The following SAMD12 variants were observed in gnomAD, a reference collection of about 807,000 sequenced individuals.
SAMD12 encodes sterile alpha motif domain-containing protein 12.
In SAMD12, 9 loss-of-function variants were observed where a neutral mutation model predicts 15.0. That is an observed-to-expected ratio of 0.60 (90% confidence interval 0.36 to 1.05). SAMD12 has a LOEUF of 1.05. Ranked by LOEUF, SAMD12 falls within the 50% of genes least tolerant of loss-of-function variation. The pLI is 0.01. For missense variants in SAMD12, 230 were observed against 234.2 expected, an observed-to-expected ratio of 0.98 and a Z score of 0.12; for synonymous variants, 86 against 90.1, an observed-to-expected ratio of 0.96 and a Z score of 0.25.
chr8:118,339,692 T>C (rs1390848131), intron 4 of SAMD12, among the ~76,000 whole-genome samples: 8 of 152,220 alleles, frequency 5.3e-5, no homozygotes, highest in African/African-American at 1.9e-4. Flanking sequence ...TTCTGAGTAA[T>C]TTTGTCTCTG....
intron 4 of SAMD12, among the ~76,000 whole-genome samples, chr8:118,279,990 AAC>A (rs1813574024): frequency 6.6e-6 from 1 of 152,208 alleles, no homozygotes. Context: ...CCTTCTAAAG[AAC>A]ACTACTGAGA....
At chr8:118,272,920 A>C (rs1177611666) in intron 4 of SAMD12, among the ~76,000 whole-genome samples, 1 of 152,214 alleles carries the variant, frequency 6.6e-6, no homozygotes. Context: ...GGAAGTTCCA[A>C]ATGTTCACAC....
intron 3 of SAMD12, among the ~76,000 whole-genome samples, chr8:118,413,670 C>A (rs1459866160): frequency 6.6e-6 from 1 of 152,094 alleles, no homozygotes; most frequent in East Asian, 1.9e-4. Context: ...TCCCTGAAGA[C>A]AAGTGTCTTG....
chr8:118,453,375 C>G (rs1823140699), intron 2 of SAMD12, among the ~76,000 whole-genome samples: 1 of 152,124 alleles, frequency 6.6e-6, no homozygotes, highest in Non-Finnish European at 1.5e-5. Context: ...GGTCCAGTGT[C>G]ATATCCACTA....
chr8:118,455,246 CT>C (rs1823211056), intron 2 of SAMD12, among the ~76,000 whole-genome samples: 1 of 145,766 alleles, frequency 6.9e-6, no homozygotes, highest in African/African-American at 2.7e-5. Flanking sequence ...TCTTGAGACA[CT>C]TTCTTCTCCT....
At chr8:118,366,768 C>T (rs763070105) in intron 4 of SAMD12, among the ~76,000 whole-genome samples, 9 of 150,014 alleles carry the variant, frequency 6.0e-5, no homozygotes, top group South Asian at 2.1e-4. Flanking sequence ...ACCCAGATCG[C>T]GCCATTGCAC....
chr8:118,170,394 T>C, the SAMD12 span, among the ~76,000 whole-genome samples: 266 of 152,340 alleles, frequency 1.7e-3, no homozygotes, highest in Non-Finnish European at 2.8e-3. Context: ...CTATACTATA[T>C]GCATACTTTA....
intron 2 of SAMD12, among the ~76,000 whole-genome samples, chr8:118,525,320 C>A (rs1056423425): frequency 6.6e-6 from 1 of 152,152 alleles, no homozygotes; most frequent in Non-Finnish European, 1.5e-5. Flanking sequence ...TTTCCCCATA[C>A]CCCACCCCAT....
the SAMD12 span, among the ~76,000 whole-genome samples, chr8:118,179,200 G>A: frequency 6.6e-6 from 1 of 152,158 alleles, no homozygotes; most frequent in African/African-American, 2.4e-5. Flanking sequence ...CCAGTAGGGA[G>A]GCTGAGGCAG....
chr8:118,579,296 G>A (rs1827226067), intron 2 of SAMD12, among the ~76,000 whole-genome samples: 2 of 152,094 alleles, frequency 1.3e-5, no homozygotes, highest in South Asian at 4.1e-4. Context: ...GACCCTTAAG[G>A]CGTTTTTTCC....
intron 4 of SAMD12, among the ~76,000 whole-genome samples, chr8:118,322,325 C>G (rs1258275136): frequency 6.6e-6 from 1 of 152,174 alleles, no homozygotes; most frequent in Non-Finnish European, 1.5e-5. Flanking sequence ...TGTCTGGGTC[C>G]CCTCTGTTGC....
the SAMD12 span, among the ~76,000 whole-genome samples, chr8:118,151,592 G>A: frequency 1.3e-5 from 2 of 152,216 alleles, no homozygotes; most frequent in South Asian, 4.2e-4. Flanking sequence ...ACTTTGGGAG[G>A]CTGAGGCGGG....
intron 4 of SAMD12, among the ~76,000 whole-genome samples, chr8:118,220,948 T>C (rs73705068): frequency 0.026 from 3,915 of 152,060 alleles, 171 homozygotes; most frequent in African/African-American, 0.089. Flanking sequence ...ATATTGTCCA[T>C]TGAGATGAGA....
chr8:118,448,550 T>G (rs1225461734), intron 2 of SAMD12, among the ~76,000 whole-genome samples: 1 of 152,230 alleles, frequency 6.6e-6, no homozygotes, highest in Non-Finnish European at 1.5e-5. Flanking sequence ...ATCCTTTGAG[T>G]GTCAGAAAAC....
chr8:118,535,186 G>C (rs992683268), intron 2 of SAMD12, among the ~76,000 whole-genome samples: 2 of 152,018 alleles, frequency 1.3e-5, no homozygotes, highest in African/African-American at 4.8e-5. Context: ...CTCAGCCGCA[G>C]GTTTGTTGGA....
At chr8:118,410,477 G>A (rs1459461566) in intron 3 of SAMD12, among the ~76,000 whole-genome samples, 1 of 152,128 alleles carries the variant, frequency 6.6e-6, no homozygotes, top group Non-Finnish European at 1.5e-5. Context: ...GATCTGAGTG[G>A]GTTTGTGTTT....
chr8:118,277,985 A>G (rs17455134), intron 4 of SAMD12, among the ~76,000 whole-genome samples: 2 of 152,196 alleles, frequency 1.3e-5, no homozygotes, highest in Non-Finnish European at 2.9e-5. Flanking sequence ...GCTAATTGGT[A>G]GCACACATTC....
chr8:118,436,044 ACT>A (rs1175753335), intron 3 of SAMD12, among the ~76,000 whole-genome samples: 7 of 152,306 alleles, frequency 4.6e-5, no homozygotes, highest in Admixed American at 6.5e-5. Context: ...GTTATCTACA[ACT>A]CACAGAGTTA....
chr8:118,506,112 C>G (rs1824913927), intron 2 of SAMD12, among the ~76,000 whole-genome samples: 1 of 152,174 alleles, frequency 6.6e-6, no homozygotes, highest in African/African-American at 2.4e-5. Context: ...ACACTGGTCC[C>G]TATACACTAG....
Sources: allele counts gnomAD v4.1 joint callset (sites outside exome capture counted in the v4.1 genomes callset), GRCh38; gene constraint gnomAD v4.1.1; transcripts MANE v1.5; gene names NCBI Gene and HGNC (gene_info 2026-07-23, HGNC 2026-07-21).